Variants in NKAIN3 observed in about 807,000 individuals in gnomAD.
NKAIN3 encodes the protein sodium/potassium-transporting ATPase subunit beta-1-interacting protein 3.
NKAIN3 carries 25 observed loss-of-function variants against 30.2 expected under a neutral mutation model. The ratio of observed to expected loss-of-function variants is 0.83; its 90% CI spans 0.60 to 1.16. NKAIN3 has a LOEUF of 1.16. NKAIN3 is among the 50% of genes most tolerant of loss of function. The probability of loss-of-function intolerance (pLI) is 0.00; values close to 1 mark genes in which losing one functional copy is unlikely to be tolerated. For synonymous variants in NKAIN3, 91 were observed against 89.6 expected (o/e 1.02, Z -0.09); for missense variants, 225 against 254.1 (o/e 0.89, Z 0.78).
intron 3 of NKAIN3, among the ~76,000 whole-genome samples, chr8:62,739,211 A>G (rs1815780013): frequency 6.6e-6 from 1 of 152,098 alleles, no homozygotes; most frequent in South Asian, 2.1e-4. Context: ...TTGTATACCT[A>G]TGTAACAAAC....
At chr8:62,901,434 C>G (rs1563619276) in intron 4 of NKAIN3, among the ~76,000 whole-genome samples, 1 of 152,100 alleles carries the variant, frequency 6.6e-6, no homozygotes, top group Non-Finnish European at 1.5e-5. Context: ...GCAAAACACT[C>G]TATCTTAAGA....
intron 4 of NKAIN3, among the ~76,000 whole-genome samples, chr8:62,890,179 G>T (rs577676544): frequency 3.9e-5 from 6 of 152,274 alleles, no homozygotes; most frequent in African/African-American, 1.4e-4. Flanking sequence ...AAGCTCCCTT[G>T]GAAGGATAGT....
intron 1 of NKAIN3, among the ~76,000 whole-genome samples, chr8:62,298,929 A>G (rs1813940411): frequency 6.6e-6 from 1 of 151,132 alleles, no homozygotes; most frequent in Non-Finnish European, 1.5e-5. Flanking sequence ...AGTGTGCTTT[A>G]TGTCTTCCCC....
intron 4 of NKAIN3, among the ~76,000 whole-genome samples, chr8:62,823,097 G>A (rs948983834): frequency 6.6e-6 from 1 of 152,136 alleles, no homozygotes; most frequent in East Asian, 1.9e-4. Flanking sequence ...GAGTCAGTGG[G>A]TGAGTGGTGA....
intron 3 of NKAIN3, among the ~76,000 whole-genome samples, chr8:62,735,327 A>T (rs1425582087): frequency 6.7e-6 from 1 of 148,578 alleles, no homozygotes; most frequent in African/African-American, 2.5e-5. Context: ...TCTTCGCTGG[A>T]TTGGGTTAAT....
intron 1 of NKAIN3, among the ~76,000 whole-genome samples, chr8:62,503,916 C>T (rs528938705): frequency 1.7e-4 from 26 of 152,124 alleles, no homozygotes; most frequent in Non-Finnish European, 3.4e-4. Flanking sequence ...ATCACAGGGT[C>T]CTGAGGTGAT....
intron 3 of NKAIN3, among the ~76,000 whole-genome samples, chr8:62,638,523 A>G (rs1480821808): frequency 6.6e-6 from 1 of 152,128 alleles, no homozygotes; most frequent in Non-Finnish European, 1.5e-5. Flanking sequence ...TGTGATTGAA[A>G]CGTCTACATG....
intron 4 of NKAIN3, among the ~76,000 whole-genome samples, chr8:62,848,577 G>A (rs1441014615): frequency 3.3e-5 from 5 of 152,076 alleles, no homozygotes; most frequent in Admixed American, 1.3e-4. Context: ...TGGCCGAGAC[G>A]ATGGGATATT....
At chr8:62,844,339 A>G (rs1819612934) in intron 4 of NKAIN3, among the ~76,000 whole-genome samples, 1 of 152,174 alleles carries the variant, frequency 6.6e-6, no homozygotes, top group African/African-American at 2.4e-5. Flanking sequence ...TCCACAGAAT[A>G]AAATAACTCC....
intron 1 of NKAIN3, among the ~76,000 whole-genome samples, chr8:62,385,620 C>T (rs1817403976): frequency 6.6e-6 from 1 of 152,126 alleles, no homozygotes; most frequent in Admixed American, 6.5e-5. Flanking sequence ...TATAGCATGA[C>T]CACAATCAAT....
chr8:62,572,489 C>T (rs575353801), intron 1 of NKAIN3, among the ~76,000 whole-genome samples: 8 of 152,156 alleles, frequency 5.3e-5, no homozygotes, highest in African/African-American at 1.2e-4. Context: ...TCCACATGTT[C>T]GGGTATATTT....
chr8:62,743,409 G>T (rs1346222916), intron 3 of NKAIN3, among the ~76,000 whole-genome samples: 2 of 152,126 alleles, frequency 1.3e-5, no homozygotes, highest in Non-Finnish European at 2.9e-5. Context: ...CGTTGAAAGG[G>T]TCACAGTCCA....
intron 4 of NKAIN3, among the ~76,000 whole-genome samples, chr8:62,795,358 T>TC (rs1817827351): frequency 1.3e-5 from 2 of 152,244 alleles, no homozygotes; most frequent in South Asian, 2.1e-4. Context: ...TGTACTTTTT[T>TC]CCCCACCATG....
rs2130909464 is a variant in NKAIN3, at chr8:62,965,850, A to C, written c.*443A>C. 1.0e-6 allele frequency: 1 copy of C among 984,986 alleles called. No individual in the cohort carries two copies. The highest frequency in any genetic ancestry group is 6.1e-5 in the Admixed American group (1 of 16,274). The allele number at this position is 984,986 out of a possible 1,614,324, so 61.0% of individuals were successfully genotyped here. A position where few individuals can be genotyped will look rare whatever the true frequency, so the allele number is the denominator to read the frequency against. ...CATTACCTGTGGTTATCAGCCACCA[A>C]GGTAGACCCTGTGACAGCTGATAAA... is the stretch of plus-strand genomic sequence containing the variant. On this transcript the variant is annotated 3_prime_UTR_variant, in exon 7 of 7. Transcript: ENST00000623646.
downstream of NKAIN3, among the ~76,000 whole-genome samples, chr8:62,986,747 A>G (rs766235784): frequency 1.4e-4 from 22 of 151,850 alleles, no homozygotes; most frequent in Admixed American, 5.9e-4. Flanking sequence ...ACCCTCCCCC[A>G]TCCCCCAAAA....
At chr8:62,377,996 A>T (rs1396680338) in intron 1 of NKAIN3, among the ~76,000 whole-genome samples, 1 of 152,198 alleles carries the variant, frequency 6.6e-6, no homozygotes, top group Non-Finnish European at 1.5e-5. Flanking sequence ...AGAGGTTGAA[A>T]CAGTTTAGAG....
At chr8:62,320,049 G>T (rs573530960) in intron 1 of NKAIN3, among the ~76,000 whole-genome samples, 5,384 of 152,162 alleles carry the variant, frequency 0.035, 351 homozygotes, top group African/African-American at 0.12. Context: ...AGGATAGTTA[G>T]CTCTTCTTGT....
chr8:62,884,261 ATT>A (rs11321774), intron 4 of NKAIN3, among the ~76,000 whole-genome samples: 2,959 of 146,528 alleles, frequency 0.02, 34 homozygotes, highest in Non-Finnish European at 0.03. Context: ...ATTTTAGAGA[ATT>A]TTTTTTTTTT....
chr8:62,361,970 C>T (rs1486359995), intron 1 of NKAIN3, among the ~76,000 whole-genome samples: 1 of 152,092 alleles, frequency 6.6e-6, no homozygotes, highest in African/African-American at 2.4e-5. Flanking sequence ...ATTTCTAGGC[C>T]CTTCAAGTTG....
Sources: allele counts gnomAD v4.1 joint callset (sites outside exome capture counted in the v4.1 genomes callset), GRCh38; gene constraint gnomAD v4.1.1; transcripts MANE v1.5; gene names NCBI Gene and HGNC (gene_info 2026-07-23, HGNC 2026-07-21).